The following CEMIP2 variants were observed in gnomAD, a reference collection of about 807,000 sequenced individuals.
CEMIP2 encodes the protein cell migration inducing hyaluronidase 2.
Under a neutral mutation model 146.9 loss-of-function variants are expected in CEMIP2, and 79 were observed. The observed-to-expected ratio is 0.54, with a 90% CI of 0.45 to 0.65. The LOEUF is 0.65. Among genes scored for constraint, CEMIP2 ranks in the 30% least tolerant of loss-of-function variants. The probability of loss-of-function intolerance (pLI) is 0.00; values close to 1 mark genes in which losing one functional copy is unlikely to be tolerated. For missense variants in CEMIP2, 1,596 were observed against 1,696.2 expected (o/e 0.94, Z 1.04); for synonymous variants, 601 against 606.3 (o/e 0.99, Z 0.13).
At chr9:71,692,440 C>T (rs966183409) in intron 21 of CEMIP2, among the ~76,000 whole-genome samples, 1 of 151,096 alleles carries the variant, frequency 6.6e-6, no homozygotes, top group African/African-American at 2.4e-5. Context: ...CACCCACCTG[C>T]TTCCCTCATG....
At chr9:71,756,000 G>C (rs1039090373) in intron 1 of CEMIP2, among the ~76,000 whole-genome samples, 2 of 142,010 alleles carry the variant, frequency 1.4e-5, no homozygotes, top group Non-Finnish European at 3.0e-5. Flanking sequence ...ACCTCTTACA[G>C]GATCATCTTA....
intron 16 of CEMIP2, 114 bp downstream of exon 16, chr9:71,711,969 C>T: frequency 8.8e-7 from 1 of 1,135,586 alleles, no homozygotes; most frequent in Non-Finnish European, 1.3e-6. Context: ...GTGTGTATGT[C>T]TCCTCCCACT....
rs560106620 is a variant in CEMIP2, at chr9:71,690,135, C to T, written c.3808G>A (p.Val1270Ile). ...TTTAAATACTCTTCAATGCGACTGA[C>T]ATCAGCAAGAGGAAAAACCGTTTTT... ...TEKTVFPLAD[V>I]SRIEEYLKTG... Residue 1270 changes from valine (V) to isoleucine (I), a missense_variant, in exon 22 of 24, where the codon GTC (valine) becomes ATC (isoleucine). Coordinates refer to ENST00000377044, the MANE Select transcript of CEMIP2 (RefSeq NM_013390.3). 7.4e-6 allele frequency: 12 copies of T among 1,614,164 alleles called. No homozygotes were observed. In the South Asian group the frequency reaches 1.2e-4, roughly 16 times the overall value.
chr9:71,698,874 C>T (rs1822474079), intron 19 of CEMIP2, among the ~76,000 whole-genome samples: 1 of 151,888 alleles, frequency 6.6e-6, no homozygotes, highest in African/African-American at 2.4e-5. Context: ...CCTTCCAAAC[C>T]AAAGGAAGTC....
intron 18 of CEMIP2, among the ~76,000 whole-genome samples, chr9:71,702,441 G>C (rs1361144125): frequency 6.6e-6 from 1 of 151,312 alleles, no homozygotes; most frequent in African/African-American, 2.4e-5. Flanking sequence ...ATGGGGTAAG[G>C]GGGGTAGTTA....
intron 4 of CEMIP2, among the ~76,000 whole-genome samples, chr9:71,741,565 T>A (rs1823915513): frequency 6.6e-6 from 1 of 151,874 alleles, no homozygotes; most frequent in South Asian, 2.1e-4. Flanking sequence ...TTAAATTTTA[T>A]ATACTATATG....
chr9:71,704,184 G>A (rs1279653232), intron 18 of CEMIP2, among the ~76,000 whole-genome samples: 2 of 152,048 alleles, frequency 1.3e-5, no homozygotes, highest in East Asian at 3.9e-4. Flanking sequence ...CTTGCCCCTA[G>A]CAGGCATTAC....
intron 4 of CEMIP2, 89 bp downstream of exon 4, chr9:71,744,929 T>C: frequency 7.2e-7 from 1 of 1,395,222 alleles, no homozygotes; most frequent in South Asian, 1.4e-5. Flanking sequence ...GCCTGAGTCA[T>C]GCTGTGGCTG....
chr9:71,694,293 A>AT (rs1255521624), intron 21 of CEMIP2, among the ~76,000 whole-genome samples: 8 of 151,708 alleles, frequency 5.3e-5, no homozygotes, highest in African/African-American at 1.7e-4. Context: ...CGCCCAGCTA[A>AT]TTTTTTGTAT....
chr9:71,721,021 TTACTC>T (rs1823217293), intron 12 of CEMIP2, among the ~76,000 whole-genome samples: 1 of 152,082 alleles, frequency 6.6e-6, no homozygotes, highest in Admixed American at 6.6e-5. Flanking sequence ...TCAAATATAT[TTACTC>T]TATTCATATA....
chr9:71,766,798 AATCTT>A (rs1051993868), intron 1 of CEMIP2, among the ~76,000 whole-genome samples: 44 of 152,330 alleles, frequency 2.9e-4, no homozygotes, highest in African/African-American at 9.6e-4. Flanking sequence ...ATTCGCTTCT[AATCTT>A]AGTTTTCTGA....
intron 2 of CEMIP2, 101 bp from the exon 3 acceptor site, chr9:71,746,442 G>T: frequency 1.4e-6 from 2 of 1,404,898 alleles, no homozygotes; most frequent in Non-Finnish European, 1.9e-6. Context: ...CAAAAAATGT[G>T]CTAACATATG....
chr9:71,728,281 G>A (rs7030569), intron 10 of CEMIP2, among the ~76,000 whole-genome samples: 1,349 of 9,128 alleles, frequency 0.15, 301 homozygotes, highest in East Asian at 0.21. Flanking sequence ...ATATATATAT[G>A]TATATATATA....
At chr9:71,709,175 T>C (rs772902161) in intron 17 of CEMIP2, 84 bp downstream of exon 17, 1 of 1,282,646 alleles carries the variant, frequency 7.8e-7, no homozygotes, top group Non-Finnish European at 1.1e-6. Flanking sequence ...TCAATCACAC[T>C]GAAAAGCTGA....
rs3739783 is a variant in CEMIP2 at position 71,745,293 on chromosome 9, G to T, written c.759C>A (p.Pro253=). 6.2e-7 allele frequency: 1 copy of T among 1,613,870 alleles called. No homozygotes were observed. ...LARTLNSSGL[P]FGSYTFEKDF... is the part of the protein sequence containing the mutation. Reference sequence around the variant, plus strand: ...CCTTTTCAAAGGTATAGGACCCAAAGGGCAAGCCTGAGGAATTCAGGGTCC... The same window carrying T: ...CCTTTTCAAAGGTATAGGACCCAAATGGCAAGCCTGAGGAATTCAGGGTCC... Residue 253 remains proline, a synonymous_variant, in exon 4 of 24, where the codon CCC becomes CCA. Coordinates refer to ENST00000377044, the MANE Select transcript of CEMIP2 (RefSeq NM_013390.3).
intron 19 of CEMIP2, among the ~76,000 whole-genome samples, chr9:71,700,434 C>T (rs775147576): frequency 3.9e-5 from 6 of 152,128 alleles, no homozygotes; most frequent in Non-Finnish European, 7.3e-5. Context: ...TGCCTCAATA[C>T]GTATACAGCA....
rs757196206 is a variant in CEMIP2, at chr9:71,730,162, C to A, written c.1865G>T (p.Gly622Val). The A allele has an allele frequency of 5.0e-6, 8 of 1,614,006 alleles. No homozygotes were observed. Among genetic ancestry groups the A allele is most frequent in the Admixed American group, 3.3e-5 (2 of 59,988 alleles). ...EQRNTLFHNLGLLTKPGTLLP... is the reference protein window; with the variant it reads ...EQRNTLFHNLVLLTKPGTLLP... ...GAGAGTACCCGGCTTGGTGAGGAGT[C>A]CCAGATTGTGGAACAAAGTATTCCT... The change falls in exon 9 of 24, where the codon GGA becomes GTA. Residue 622 changes from glycine (G) to valine (V), a missense_variant. Coordinates refer to ENST00000377044, the MANE Select transcript of CEMIP2 (RefSeq NM_013390.3).
At chr9:71,744,146 A>G (rs1983966) in intron 4 of CEMIP2, among the ~76,000 whole-genome samples, 122,752 of 152,026 alleles carry the variant, frequency 0.81, 49,849 homozygotes, top group East Asian at 0.88. Context: ...AGGGTGAGGC[A>G]GGAGGATCAC....
intron 21 of CEMIP2, among the ~76,000 whole-genome samples, chr9:71,694,121 TTATTTATTTA>T (rs1822316702): frequency 6.6e-6 from 1 of 151,124 alleles, no homozygotes; most frequent in Non-Finnish European, 1.5e-5. Context: ...ATTTATTTAT[TTATTTATTTA>T]TTTATTTTGG....
Sources: allele counts gnomAD v4.1 joint callset (sites outside exome capture counted in the v4.1 genomes callset), GRCh38; gene constraint gnomAD v4.1.1; transcripts MANE v1.5; gene names NCBI Gene and HGNC (gene_info 2026-07-23, HGNC 2026-07-21).